The following MCF2L2 variants were observed in gnomAD, a reference collection of about 807,000 sequenced individuals.
MCF2L2 encodes the protein MCF.2 cell line derived transforming sequence-like 2.
A neutral mutation model predicts 150.2 loss-of-function variants in MCF2L2; 102 were observed. The ratio of observed to expected loss-of-function variants is 0.68; its 90% CI spans 0.58 to 0.80. The LOEUF is 0.80. MCF2L2 is among the 30% of genes least tolerant of loss of function. The pLI is 0.00. For synonymous variants in MCF2L2, 465 were observed against 491.3 expected (o/e 0.95, Z 0.71); for missense variants, 1,256 against 1,372.8 (o/e 0.91, Z 1.34).
intron 3 of MCF2L2, among the ~76,000 whole-genome samples, chr3:183,354,202 C>T (rs193107704): frequency 4.8e-4 from 73 of 152,308 alleles, no homozygotes; most frequent in African/African-American, 1.6e-3. Flanking sequence ...GACTCTAGTA[C>T]AGCGTCACAT....
intron 15 of MCF2L2, chr3:183,273,109 CT>C: frequency 2.7e-6 from 3 of 1,121,812 alleles, no homozygotes; most frequent in Non-Finnish European, 2.5e-6. Context: ...AAGGAAAAAA[CT>C]TTTTGGTGCT....
rs771721027 is a variant in MCF2L2 at position 183,207,819 on chromosome 3, T to A, written c.2501A>T (p.Asp834Val). The part of the protein sequence containing the change: ...DLAAVTECPD[D>V]IGKLGKLLLH... ...CAACAGCTTGCCTAGTTTTCCAATA[T>A]CGTCCTTTTGGAAACACACATACAG... The change falls in exon 23 of 30, where the codon GAT becomes GTT. Residue 834 changes from aspartate to valine, a missense_variant. Coordinates refer to ENST00000328913, the MANE Select transcript of MCF2L2 (RefSeq NM_015078.4). 9.9e-6 allele frequency: 16 copies of A among 1,613,102 alleles called. No individual in the cohort carries two copies. Among genetic ancestry groups the A allele is most frequent in the Non-Finnish European group, 1.4e-5 (16 of 1,179,090 alleles).
chr3:183,192,021 T>G (rs1721912123), intron 27 of MCF2L2, among the ~76,000 whole-genome samples: 1 of 151,302 alleles, frequency 6.6e-6, no homozygotes, highest in South Asian at 2.1e-4. Flanking sequence ...TTTTTTTTTT[T>G]TGTATTTTTA....
intron 27 of MCF2L2, among the ~76,000 whole-genome samples, chr3:183,185,705 A>G (rs998760408): frequency 6.6e-6 from 1 of 152,196 alleles, no homozygotes; most frequent in African/African-American, 2.4e-5. Flanking sequence ...GAGAGTTCCA[A>G]AATGTTTCCA....
At chr3:183,257,957 CCTT>C (rs1198071226) in intron 15 of MCF2L2, among the ~76,000 whole-genome samples, 9 of 101,326 alleles carry the variant, frequency 8.9e-5, no homozygotes, top group Admixed American at 7.3e-4. Context: ...TCCACTTCAC[CCTT>C]TTTTTTTTTT....
At chr3:183,251,594 A>G (rs1312363413) in intron 15 of MCF2L2, among the ~76,000 whole-genome samples, 1 of 152,204 alleles carries the variant, frequency 6.6e-6, no homozygotes, top group Non-Finnish European at 1.5e-5. Context: ...AAGCATGCCA[A>G]CACGGTCCTC....
intron 24 of MCF2L2, 44 bp from the exon 25 acceptor site, chr3:183,205,998 T>C: frequency 6.3e-7 from 1 of 1,577,354 alleles, no homozygotes; most frequent in Admixed American, 1.7e-5. Flanking sequence ...ACCATGAGTA[T>C]TAATTGCAGA....
chr3:183,198,981 C>T (rs1722166030), intron 25 of MCF2L2, among the ~76,000 whole-genome samples: 1 of 151,958 alleles, frequency 6.6e-6, no homozygotes, highest in African/African-American at 2.4e-5. Flanking sequence ...TAGTTTTTTT[C>T]CCATCTTATC....
chr3:183,207,190 G>C (rs889052790), intron 23 of MCF2L2, among the ~76,000 whole-genome samples: 1 of 152,096 alleles, frequency 6.6e-6, no homozygotes, highest in Non-Finnish European at 1.5e-5. Flanking sequence ...CTTGGTGTGG[G>C]CCTGGGTGCC....
chr3:183,364,333 G>A (rs889762659), intron 3 of MCF2L2, among the ~76,000 whole-genome samples: 30 of 151,954 alleles, frequency 2.0e-4, no homozygotes, highest in East Asian at 1.2e-3. Flanking sequence ...TGGCTAACAC[G>A]GTGAAACCCC....
intron 14 of MCF2L2, among the ~76,000 whole-genome samples, chr3:183,284,059 TA>T (rs1727654550): frequency 6.6e-6 from 1 of 152,194 alleles, no homozygotes; most frequent in Non-Finnish European, 1.5e-5. Flanking sequence ...ATTGCCTTAG[TA>T]TATATTAAAT....
chr3:183,333,308 A>C (rs1286174125), intron 5 of MCF2L2, among the ~76,000 whole-genome samples: 1 of 152,186 alleles, frequency 6.6e-6, no homozygotes, highest in East Asian at 1.9e-4. Flanking sequence ...CAGCCTCCCA[A>C]AATGTTGGGA....
At chr3:183,269,901 A>G in intron 15 of MCF2L2, 4 of 1,614,044 alleles carry the variant, frequency 2.5e-6, no homozygotes, top group Non-Finnish European at 3.4e-6. Context: ...TTGGGAACCA[A>G]TCGATAATCA....
chr3:183,228,135 T>A, intron 18 of MCF2L2, 162 bp downstream of exon 18: 1 of 598,760 alleles, frequency 1.7e-6, no homozygotes, highest in Non-Finnish European at 3.0e-6. Context: ...ATAGTTTGAA[T>A]ATATGCAATT....
In MCF2L2 at chr3:183,338,856, T is replaced by C. The variant is rs1209766741; in HGVS notation, c.430A>G (p.Thr144Ala). 1.2e-6 allele frequency: 2 copies of C among 1,608,754 alleles called. No homozygotes were observed. Among genetic ancestry groups the C allele is most frequent in the South Asian group, 2.2e-5 (2 of 90,588 alleles). Residue 144 changes from threonine to alanine, a missense_variant, in exon 5 of 30, where the codon ACA becomes GCA. Transcript: ENST00000328913. ...TATTTAATGCCAATGTCAGTGAATGTCCTCTGGATAAAGCGAGATGGACGA... is the reference window on the plus strand; with the variant it reads ...TATTTAATGCCAATGTCAGTGAATGCCCTCTGGATAAAGCGAGATGGACGA... ...ILRPSRFIQR[T>A]FTDIGIKYYR...
chr3:183,334,937 T>G (rs1262721009), intron 5 of MCF2L2, among the ~76,000 whole-genome samples: 1 of 151,918 alleles, frequency 6.6e-6, no homozygotes, highest in Non-Finnish European at 1.5e-5. Context: ...AAACTCCATT[T>G]CTACAAAAAA....
At chr3:183,210,680 A>T (rs1722661687) in intron 22 of MCF2L2, among the ~76,000 whole-genome samples, 1 of 152,192 alleles carries the variant, frequency 6.6e-6, no homozygotes, top group Non-Finnish European at 1.5e-5. Context: ...TACACTCTCT[A>T]ATGACTTGTG....
chr3:183,402,685 G>A (rs912527658), intron 1 of MCF2L2, among the ~76,000 whole-genome samples: 3 of 149,638 alleles, frequency 2.0e-5, no homozygotes, highest in Non-Finnish European at 4.4e-5. Flanking sequence ...AATTTCTCCT[G>A]GCAGGTATTT....
At chr3:183,192,085 G>A (rs375647964) in intron 27 of MCF2L2, among the ~76,000 whole-genome samples, 15 of 149,854 alleles carry the variant, frequency 1.0e-4, no homozygotes, top group South Asian at 2.1e-4. Context: ...TCCTGACCTC[G>A]TGATCCTCCC....
Sources: allele counts gnomAD v4.1 joint callset (sites outside exome capture counted in the v4.1 genomes callset), GRCh38; gene constraint gnomAD v4.1.1; transcripts MANE v1.5; gene names NCBI Gene and HGNC (gene_info 2026-07-23, HGNC 2026-07-21).